Variants in PRKCE observed in about 807,000 individuals in gnomAD.
PRKCE encodes protein kinase C epsilon.
Under a neutral mutation model 85.4 loss-of-function variants are expected in PRKCE, and 16 were observed. The observed-to-expected ratio is 0.19, with a 90% confidence interval of 0.13 to 0.28. The LOEUF (loss-of-function observed/expected upper bound fraction) is 0.28, where lower values mean the gene tolerates loss of function less well. PRKCE is among the 10% of genes least tolerant of loss of function. The pLI, the probability that PRKCE is intolerant of heterozygous loss-of-function variation, is 1.00. For synonymous variants in PRKCE, 388 were observed against 371.5 expected (o/e 1.04, Z -0.51); for missense variants, 573 against 975.2 (o/e 0.59, Z 5.49).
chr2:46,133,869 T>C (rs1206452016), intron 11 of PRKCE, among the ~76,000 whole-genome samples: 1 of 152,188 alleles, frequency 6.6e-6, no homozygotes, highest in Non-Finnish European at 1.5e-5. Flanking sequence ...ACCAAAGTGC[T>C]GTGACTGACA....
At chr2:45,977,490 A>G (rs780429243) in intron 3 of PRKCE, among the ~76,000 whole-genome samples, 4 of 152,008 alleles carry the variant, frequency 2.6e-5, no homozygotes, top group Non-Finnish European at 5.9e-5. Context: ...TACAAAAATT[A>G]GCTGGCCATG....
intron 2 of PRKCE, among the ~76,000 whole-genome samples, chr2:45,944,655 ATTTTTTTTTTTT>A (rs71394861): frequency 4.0e-5 from 3 of 75,628 alleles, no homozygotes; most frequent in Non-Finnish European, 4.7e-5. Flanking sequence ...TACCCGGCTA[ATTTTTTTTTTTT>A]TTTTTTTTTT....
At chr2:45,788,519 C>T (rs1410784832) in intron 1 of PRKCE, among the ~76,000 whole-genome samples, 1 of 152,176 alleles carries the variant, frequency 6.6e-6, no homozygotes, top group African/African-American at 2.4e-5. Flanking sequence ...TCATTGCAAT[C>T]AGGGGGCCTG....
intron 2 of PRKCE, among the ~76,000 whole-genome samples, chr2:45,846,795 T>C (rs1203208822): frequency 6.6e-6 from 1 of 152,180 alleles, no homozygotes; most frequent in Non-Finnish European, 1.5e-5. Flanking sequence ...AACACAGGGA[T>C]AATGGTTCCT....
At chr2:45,744,485 CTT>C (rs374409953) in intron 1 of PRKCE, among the ~76,000 whole-genome samples, 2,021 of 26,502 alleles carry the variant, frequency 0.076, 68 homozygotes, top group Non-Finnish European at 0.11. Flanking sequence ...TTCTTTCTTT[CTT>C]TTTCTTTCTT....
At chr2:45,916,854 T>G (rs1291143043) in intron 2 of PRKCE, among the ~76,000 whole-genome samples, 3 of 152,178 alleles carry the variant, frequency 2.0e-5, no homozygotes, top group African/African-American at 7.2e-5. Context: ...GTCTGGAGTT[T>G]GTTCCTTCTG....
At chr2:45,957,484 T>C (rs1701049414) in intron 2 of PRKCE, among the ~76,000 whole-genome samples, 1 of 152,260 alleles carries the variant, frequency 6.6e-6, no homozygotes, top group African/African-American at 2.4e-5. Flanking sequence ...TGTTTGTTTT[T>C]TGTTGTAATG....
intron 1 of PRKCE, among the ~76,000 whole-genome samples, chr2:45,820,560 G>A (rs1217763518): frequency 6.6e-6 from 1 of 152,128 alleles, no homozygotes; most frequent in Non-Finnish European, 1.5e-5. Flanking sequence ...GATGTTAAAT[G>A]TCAGCAAGAG....
At chr2:46,010,671 T>A (rs770365883) in intron 10 of PRKCE, 154 bp downstream of exon 10, 3 of 1,598,658 alleles carry the variant, frequency 1.9e-6, no homozygotes, top group Non-Finnish European at 1.7e-6. Flanking sequence ...TTGAACAGCA[T>A]CTTCTTTTTT....
intron 3 of PRKCE, among the ~76,000 whole-genome samples, chr2:45,976,842 A>G (rs887202670): frequency 1.3e-5 from 2 of 149,670 alleles, no homozygotes; most frequent in Non-Finnish European, 3.0e-5. Flanking sequence ...TTAGTAACCA[A>G]CAAGGATATT....
At chr2:45,986,802 C>T (rs1425477374) in intron 6 of PRKCE, among the ~76,000 whole-genome samples, 3 of 152,092 alleles carry the variant, frequency 2.0e-5, no homozygotes, top group East Asian at 1.9e-4. Context: ...GAGGTGGGGG[C>T]GGAGCCATTC....
At chr2:45,680,490 T>C (rs1676802416) in intron 1 of PRKCE, among the ~76,000 whole-genome samples, 1 of 152,228 alleles carries the variant, frequency 6.6e-6, no homozygotes, top group African/African-American at 2.4e-5. Flanking sequence ...CTGTTAGTTT[T>C]ATGGTGCCCA....
intron 1 of PRKCE, among the ~76,000 whole-genome samples, chr2:45,789,488 T>C (rs1471351872): frequency 6.6e-6 from 1 of 152,196 alleles, no homozygotes; most frequent in Non-Finnish European, 1.5e-5. Flanking sequence ...GTAACTCCAG[T>C]GGAGCATAGC....
intron 1 of PRKCE, among the ~76,000 whole-genome samples, chr2:45,725,441 T>C (rs1680976541): frequency 6.6e-6 from 1 of 152,316 alleles, no homozygotes; most frequent in East Asian, 1.9e-4. Context: ...TGAAGTCTTA[T>C]TGTTTAAGAA....
intron 2 of PRKCE, among the ~76,000 whole-genome samples, chr2:45,873,455 C>CAAA (rs56281653): frequency 4.2e-5 from 6 of 143,820 alleles, no homozygotes; most frequent in Non-Finnish European, 6.1e-5. Flanking sequence ...TAGTAGACTG[C>CAAA]AAAAAAAAAA....
intron 1 of PRKCE, among the ~76,000 whole-genome samples, chr2:45,814,288 G>T (rs977587074): frequency 6.6e-6 from 1 of 152,318 alleles, no homozygotes; most frequent in African/African-American, 2.4e-5. Flanking sequence ...ATGATAAGGA[G>T]CCATTTTCCT....
Position 46,021,078 on chromosome 2 carries a change from C to G in PRKCE, c.1437+10561C>G, listed in dbSNP as rs137864663. Among the ~76,000 whole-genome samples, 33 of 152,078 alleles carry G rather than the reference C, an allele frequency of 2.2e-4. No individual in the cohort carries two copies. The East Asian group carries it at 6.4e-3, about 29-fold the overall frequency. ...GGGGGTGAGAAGGGCCACTGTGGAACAGGGTGGATGCTGGGGCATTGGGGG... is the reference window on the plus strand; with the variant it reads ...GGGGGTGAGAAGGGCCACTGTGGAAGAGGGTGGATGCTGGGGCATTGGGGG... On this transcript the variant is annotated intron_variant, in intron 10 of 14. Coordinates refer to ENST00000306156, the MANE Select transcript of PRKCE (RefSeq NM_005400.3).
chr2:45,759,213 ATGACAAATAAG>A (rs1684244598), intron 1 of PRKCE, among the ~76,000 whole-genome samples: 4 of 152,352 alleles, frequency 2.6e-5, no homozygotes, highest in African/African-American at 7.2e-5. Flanking sequence ...TATTGATAAA[ATGACAAATAAG>A]TGACAAATAA....
chr2:45,715,193 C>T (rs573461834), intron 1 of PRKCE, among the ~76,000 whole-genome samples: 15 of 152,334 alleles, frequency 9.8e-5, no homozygotes, highest in Admixed American at 2.0e-4. Context: ...CGCTGTGCAG[C>T]GCACCGCAGG....
Sources: allele counts gnomAD v4.1 joint callset (sites outside exome capture counted in the v4.1 genomes callset), GRCh38; gene constraint gnomAD v4.1.1; transcripts MANE v1.5; gene names NCBI Gene and HGNC (gene_info 2026-07-23, HGNC 2026-07-21).